The following NCR3LG1 variants were observed in gnomAD, a reference collection of about 807,000 sequenced individuals.
NCR3LG1 encodes the protein natural killer cell cytotoxicity receptor 3 ligand 1.
NCR3LG1 carries 35 observed loss-of-function variants against 34.8 expected under a neutral mutation model. The ratio of observed to expected loss-of-function variants is 1.01; its 90% CI spans 0.77 to 1.33. The LOEUF (loss-of-function observed/expected upper bound fraction) is 1.33, where lower values mean the gene tolerates loss of function less well. Ranked by LOEUF, NCR3LG1 falls within the 40% of genes most tolerant of loss-of-function variation. NCR3LG1 has a pLI of 0.00. For missense variants in NCR3LG1, 452 were observed against 423.3 expected (o/e 1.07, Z -0.60); for synonymous variants, 173 against 163.6 (o/e 1.06, Z -0.44).
chr11:17,377,720 T>G (rs964140389), downstream of NCR3LG1, among the ~76,000 whole-genome samples: 3 of 152,186 alleles, frequency 2.0e-5, no homozygotes, highest in African/African-American at 7.2e-5. Flanking sequence ...CTTTATTTCC[T>G]TTGTGGCTCC....
Position 17,356,699 on chromosome 11 carries a change from T to C in NCR3LG1, c.119T>C (p.Leu40Pro). The C allele has an allele frequency of 6.5e-7, 1 of 1,536,322 alleles. No homozygotes were observed. Among genetic ancestry groups the C allele is most frequent in the Non-Finnish European group, 8.7e-7 (1 of 1,146,938 alleles). The part of the protein sequence containing the change: ...MMAGGTQITP[L>P]NDNVTIFCNI... ...GCAGGGGGGACTCAGATCACACCCC[T>C]GAATGACAATGTCACCATATTCTGC... Residue 40 changes from leucine to proline, a missense_variant, in exon 2 of 5, where the codon CTG (leucine) becomes CCG (proline). By Grantham distance (98) the Leu-to-Pro change is moderately conservative. Coordinates refer to ENST00000338965, the MANE Select transcript of NCR3LG1 (RefSeq NM_001202439.3).
At chr11:17,369,665 C>A (rs1953385956) in intron 4 of NCR3LG1, among the ~76,000 whole-genome samples, 1 of 152,138 alleles carries the variant, frequency 6.6e-6, no homozygotes, top group Non-Finnish European at 1.5e-5. Context: ...AATAATCAGT[C>A]AATTAAGAAA....
At chr11:17,358,713 A>T (rs943863012) in intron 2 of NCR3LG1, among the ~76,000 whole-genome samples, 3 of 152,150 alleles carry the variant, frequency 2.0e-5, no homozygotes, top group Admixed American at 6.6e-5. Context: ...ATTCTTCTGC[A>T]TGGGAGATTT....
chr11:17,354,539 C>A (rs1365799372), intron 1 of NCR3LG1, among the ~76,000 whole-genome samples: 2 of 79,464 alleles, frequency 2.5e-5, no homozygotes, highest in South Asian at 3.7e-4. Context: ...CCCCCCAATT[C>A]TTCTTCTTTT....
At chr11:17,357,298 G>A (rs1953221756) in intron 2 of NCR3LG1, among the ~76,000 whole-genome samples, 1 of 152,182 alleles carries the variant, frequency 6.6e-6, no homozygotes, top group African/African-American at 2.4e-5. Flanking sequence ...TCTTCTCCCT[G>A]TGTCTTCACA....
intron 1 of NCR3LG1, among the ~76,000 whole-genome samples, chr11:17,354,439 A>T (rs1953180415): frequency 6.6e-6 from 1 of 152,098 alleles, no homozygotes; most frequent in Admixed American, 6.5e-5. Flanking sequence ...TGTTGATTTA[A>T]ATCTTCTAAA....
At chr11:17,369,545 G>T (rs562596772) in intron 4 of NCR3LG1, among the ~76,000 whole-genome samples, 42 of 152,320 alleles carry the variant, frequency 2.8e-4, no homozygotes, top group African/African-American at 1.0e-3. Flanking sequence ...AAATGTGTTG[G>T]TTAAAATAGT....
In NCR3LG1 at chr11:17,372,822, C is replaced by T. The variant is rs969756422; in HGVS notation, c.*310C>T. The T allele has an allele frequency of 1.1e-4, 33 of 296,720 alleles. No homozygotes were observed. Among genetic ancestry groups the T allele is most frequent in the Admixed American group, 7.9e-4 (17 of 21,476 alleles). The allele number at this position is 296,720 out of a possible 1,614,324, so 18.4% of individuals were successfully genotyped here. Reference sequence around the variant, plus strand: ...CAGCATTCACATACCCAATAGGAAGCGAGGCAGTGCCCCTTGAACAACATA... The same window carrying T: ...CAGCATTCACATACCCAATAGGAAGTGAGGCAGTGCCCCTTGAACAACATA... On this transcript the variant is annotated 3_prime_UTR_variant, in exon 5 of 5. Transcript: ENST00000338965.
downstream of NCR3LG1, among the ~76,000 whole-genome samples, chr11:17,378,184 C>T (rs72865050): frequency 0.066 from 9,984 of 152,200 alleles, 472 homozygotes; most frequent in Admixed American, 0.15. Context: ...CCTAGATATC[C>T]TTATGGCCAA....
At chr11:17,362,802 CTTTCTT>C (rs1953294993) in intron 2 of NCR3LG1, among the ~76,000 whole-genome samples, 1 of 145,882 alleles carries the variant, frequency 6.9e-6, no homozygotes, top group Non-Finnish European at 1.5e-5. Flanking sequence ...CTCTCTCTTT[CTTTCTT>C]TCTTTCTTTC....
intron 1 of NCR3LG1, among the ~76,000 whole-genome samples, chr11:17,353,262 T>C (rs1953160455): frequency 6.6e-6 from 1 of 152,190 alleles, no homozygotes; most frequent in Non-Finnish European, 1.5e-5. Context: ...GGCTGCCCGA[T>C]GGGAGAGGGA....
intron 2 of NCR3LG1, among the ~76,000 whole-genome samples, chr11:17,360,522 C>T (rs960940504): frequency 1.3e-5 from 2 of 152,032 alleles, no homozygotes; most frequent in Non-Finnish European, 2.9e-5. Context: ...ATAGTTTTAC[C>T]ATTGACATTT....
At chr11:17,357,666 CG>C (rs1953226068) in intron 2 of NCR3LG1, among the ~76,000 whole-genome samples, 1 of 116 alleles carries the variant, frequency 8.6e-3, no homozygotes, top group Admixed American at 0.17. Context: ...TGACAGTGGC[CG>C]TATATATATA....
chr11:17,372,748 C>T lies in NCR3LG1; in HGVS notation c.*236C>T. 6.2e-6 allele frequency: 3 copies of T among 480,110 alleles called. No individual in the cohort carries two copies. The Admixed American group carries it at 1.1e-4, about 18-fold the overall frequency. 29.7% of individuals were successfully genotyped at this position (480,110 alleles called of 1,614,324 possible). On this transcript the variant is annotated 3_prime_UTR_variant, in exon 5 of 5. Coordinates refer to ENST00000338965, the MANE Select transcript of NCR3LG1 (RefSeq NM_001202439.3). ...GGCAGCAGAAAAATTCAGAGATGAA[C>T]AACATGTCTTCTATAGCCACTCAAT...
intron 2 of NCR3LG1, among the ~76,000 whole-genome samples, chr11:17,364,394 A>G (rs1244285567): frequency 1.3e-5 from 2 of 152,180 alleles, no homozygotes; most frequent in African/African-American, 4.8e-5. Flanking sequence ...GGGTTTTGCC[A>G]TGTTGGACAG....
Position 17,367,100 on chromosome 11 carries a change from G to T in NCR3LG1, c.513G>T (p.Glu171Asp). 1 of 1,536,242 alleles carries T rather than the reference G, an allele frequency of 6.5e-7. No individual in the cohort carries two copies. The highest frequency in any genetic ancestry group is 2.4e-5 in the East Asian group (1 of 40,914). ...YMCESSGFYP[E>D]AINITWEKQT... The stretch of plus-strand genomic sequence containing the variant: ...GTGAGTCAAGTGGGTTCTACCCAGA[G>T]GCTATTAATATAACATGGGAGAAGC... The change falls in exon 3 of 5, where the codon GAG (glutamate) becomes GAT (aspartate). Residue 171 changes from glutamate to aspartate, a missense_variant. By Grantham distance (45) the Glu-to-Asp change is conservative. Coordinates refer to ENST00000338965, the MANE Select transcript of NCR3LG1 (RefSeq NM_001202439.3).
chr11:17,370,579 T>A (rs1046656159), intron 4 of NCR3LG1, among the ~76,000 whole-genome samples: 1 of 152,204 alleles, frequency 6.6e-6, no homozygotes, highest in Non-Finnish European at 1.5e-5. Flanking sequence ...TCAGTCCCCC[T>A]TCACCCTCAG....
At chr11:17,362,753 TTTC>T (rs1953292171) in intron 2 of NCR3LG1, among the ~76,000 whole-genome samples, 3 of 101,368 alleles carry the variant, frequency 3.0e-5, no homozygotes, top group African/African-American at 1.6e-4. Context: ...TCTTTCTTTC[TTTC>T]TTTCTTTCTT....
intron 2 of NCR3LG1, among the ~76,000 whole-genome samples, chr11:17,366,715 A>G (rs1953347782): frequency 6.6e-6 from 1 of 152,236 alleles, no homozygotes; most frequent in Non-Finnish European, 1.5e-5. Flanking sequence ...GCTGACTTGC[A>G]TTCAGTCACT....
Sources: gnomAD v4.1 joint callset for allele counts (sites outside exome capture counted in the v4.1 genomes callset) on GRCh38, gnomAD v4.1.1 for gene constraint, MANE v1.5 for transcripts, NCBI Gene and HGNC (gene_info 2026-07-23, HGNC 2026-07-21) for gene names.